MYBPC2: variants seen among roughly 807,000 people sequenced by gnomAD.
The protein encoded by MYBPC2 is myosin-binding protein C, fast-type.
In MYBPC2, 122 loss-of-function variants were observed where a neutral mutation model predicts 137.0. The ratio of observed to expected loss-of-function variants is 0.89; its 90% confidence interval spans 0.77 to 1.03. MYBPC2 has a LOEUF of 1.03. Among genes scored for constraint, MYBPC2 ranks in the 50% least tolerant of loss-of-function variants. MYBPC2 has a pLI of 0.00. For missense variants in MYBPC2, 1,500 were observed against 1,534.4 expected, an observed-to-expected ratio of 0.98 and a Z score of 0.37; for synonymous variants, 626 against 612.3, an observed-to-expected ratio of 1.02 and a Z score of -0.33.
chr19:50,443,385 G>T, intron 9 of MYBPC2, 109 bp from the exon 10 acceptor site: 1 of 1,332,734 alleles, frequency 7.5e-7, no homozygotes. Context: ...CACACAATTT[G>T]GCTCTGAGAG....
intron 16 of MYBPC2, 38 bp downstream of exon 16, chr19:50,452,041 C>T (rs1163206069): frequency 1.4e-5 from 21 of 1,538,396 alleles, no homozygotes; most frequent in Middle Eastern, 3.3e-4. Flanking sequence ...ACTCCCTTTC[C>T]GTTTAGGCAA....
chr19:50,435,879 G>T lies in MYBPC2; in HGVS notation c.196+17G>T. ...TGGAGACTGGTGAGGGGAACCCGGG[G>T]GAGGAGGGGCTGCGGCCCGGACTCC... On this transcript the variant is annotated intron_variant, in intron 3 of 27. Transcript: ENST00000357701. The surrounding 1 kb of genome is among the most constrained non-coding windows in gnomAD (Gnocchi z 4.8). The T allele has an allele frequency of 6.4e-7, 1 of 1,573,298 alleles. No individual in the cohort carries two copies. Among genetic ancestry groups the T allele is most frequent in the East Asian group, 2.3e-5 (1 of 42,790 alleles).
chr19:50,463,811 C>T (rs1438533251), intron 26 of MYBPC2, among the ~76,000 whole-genome samples: 1 of 151,954 alleles, frequency 6.6e-6, no homozygotes, highest in Non-Finnish European at 1.5e-5. Context: ...TGGTGGCAGG[C>T]GCCTCTAATC....
intron 16 of MYBPC2, 124 bp downstream of exon 16, chr19:50,452,127 G>T: frequency 9.2e-7 from 1 of 1,090,276 alleles, no homozygotes; most frequent in Non-Finnish European, 1.3e-6. Context: ...GGGTTGTTTT[G>T]AAGATTAGAG....
Position 50,447,896 on chromosome 19 carries a change from C to T in MYBPC2, c.1307-329C>T, listed in dbSNP as rs537278969. On this transcript the variant is annotated intron_variant, in intron 12 of 27. Coordinates refer to ENST00000357701, the MANE Select transcript of MYBPC2 (RefSeq NM_004533.4). ...TAAATAAAATAAAATAAATAAAATCCCCAAAGTGCTGGGATTACAGGCGTG... is the reference window on the plus strand; with the variant it reads ...TAAATAAAATAAAATAAATAAAATCTCCAAAGTGCTGGGATTACAGGCGTG... Among the ~76,000 whole-genome samples, 35 of 152,146 alleles carry T rather than the reference C, an allele frequency of 2.3e-4. No homozygotes were observed. In the South Asian group the frequency reaches 6.9e-3, roughly 30 times the overall value.
chr19:50,447,875 T>A (rs1398474751), intron 12 of MYBPC2, among the ~76,000 whole-genome samples: 1 of 151,606 alleles, frequency 6.6e-6, no homozygotes, highest in African/African-American at 2.4e-5. Context: ...AATAAATAAA[T>A]AAAATAAAAT....
chr19:50,454,714 C>T (rs1367943368), intron 18 of MYBPC2, among the ~76,000 whole-genome samples: 1 of 152,082 alleles, frequency 6.6e-6, no homozygotes, highest in Non-Finnish European at 1.5e-5. Flanking sequence ...GTGTCAGCCA[C>T]GGCACCAGCC....
At chr19:50,443,105 A>G (rs1460275036) in intron 9 of MYBPC2, among the ~76,000 whole-genome samples, 1 of 152,088 alleles carries the variant, frequency 6.6e-6, no homozygotes, top group Non-Finnish European at 1.5e-5. Flanking sequence ...TAGCTTGGAC[A>G]ACATAGCGAG....
chr19:50,446,153 T>G, intron 12 of MYBPC2, 101 bp downstream of exon 12: 1 of 1,344,390 alleles, frequency 7.4e-7, no homozygotes, highest in Non-Finnish European at 1.0e-6. Flanking sequence ...TCCTGACTCC[T>G]CTCTTTCCCA....
At position 50,436,969 on chromosome 19, in the gene MYBPC2, G is replaced by C. The variant is rs376157394; in HGVS notation, c.463+235G>C. Among the ~76,000 whole-genome samples, 29 of 152,286 alleles carry C rather than the reference G, an allele frequency of 1.9e-4. 1 individual carries two copies. In the South Asian group the frequency reaches 6.0e-3, roughly 32 times the overall value. ...AGGGTCTTGGGATGCACATGCAAAGGCTTAGGAGGTGAGTTATGCACATTC... is the reference window on the plus strand; with the variant it reads ...AGGGTCTTGGGATGCACATGCAAAGCCTTAGGAGGTGAGTTATGCACATTC... On this transcript the variant is annotated intron_variant, in intron 5 of 27. Transcript: ENST00000357701.
At chr19:50,445,631 G>C (rs1307604506) in intron 11 of MYBPC2, among the ~76,000 whole-genome samples, 1 of 152,072 alleles carries the variant, frequency 6.6e-6, no homozygotes, top group Non-Finnish European at 1.5e-5. Flanking sequence ...GACCTCAGGT[G>C]ATCCACACAC....
intron 1 of MYBPC2, among the ~76,000 whole-genome samples, chr19:50,434,241 C>A (rs571062331): frequency 6.6e-6 from 1 of 152,160 alleles, no homozygotes; most frequent in Non-Finnish European, 1.5e-5. Flanking sequence ...CCTGTAGTCC[C>A]AGCTACTCAG....
rs1026078964 is a variant in MYBPC2, at chr19:50,448,285, C to T, written c.1367C>T (p.Ala456Val). The change falls in exon 13 of 28, where the codon GCT (alanine) becomes GTT (valine). Residue 456 changes from alanine to valine, a missense_variant. Transcript: ENST00000357701. Reference protein sequence around the residue: ...ADLTVKASEQAVFKCEVSDEK... With the variant: ...ADLTVKASEQVVFKCEVSDEK... ...CTGACGGTGAAGGCCTCAGAACAAGCTGTGTTCAAGTGCGAGGTGTCTGAT... is the reference window on the plus strand; with the variant it reads ...CTGACGGTGAAGGCCTCAGAACAAGTTGTGTTCAAGTGCGAGGTGTCTGAT... 9 of 1,613,754 alleles carry T rather than the reference C, an allele frequency of 5.6e-6. No individual in the cohort carries two copies. The Admixed American group carries it at 1.3e-4, about 24-fold the overall frequency.
rs538884821 is a variant in MYBPC2 at position 50,439,596 on chromosome 19, G to A, written c.573-1284G>A. ...CATCAACCATCTTCTGAGGCCTCCC[G>A]TCTACTAGGTCCTGGGCTGAGATCC... On this transcript the variant is annotated intron_variant, in intron 7 of 27. Coordinates refer to ENST00000357701, the MANE Select transcript of MYBPC2 (RefSeq NM_004533.4). 1.7e-3 allele frequency among the ~76,000 whole-genome samples: 235 copies of A among 139,036 alleles called. 3 individuals are homozygous for A. The highest frequency in any genetic ancestry group is 5.9e-3 in the African/African-American group (222 of 37,576). The allele number at this position is 139,036 out of a possible 152,430, so 91.2% of individuals were successfully genotyped here. A position where few individuals can be genotyped will look rare whatever the true frequency, so the allele number is the denominator to read the frequency against.
chr19:50,437,871 C>A (rs2039718429), intron 7 of MYBPC2, among the ~76,000 whole-genome samples, 153 bp downstream of exon 7: 1 of 152,106 alleles, frequency 6.6e-6, no homozygotes, highest in Non-Finnish European at 1.5e-5. Context: ...GCATCTAACA[C>A]ACCAACCCAT....
chr19:50,446,222 T>C (rs1431576254), intron 12 of MYBPC2, among the ~76,000 whole-genome samples, 170 bp downstream of exon 12: 2 of 152,136 alleles, frequency 1.3e-5, no homozygotes, highest in African/African-American at 2.4e-5. Context: ...AAGTAAATTT[T>C]GGATCCAGCC....
In MYBPC2 at chr19:50,440,941, C is replaced by T. The variant is rs143152934; in HGVS notation, c.634C>T (p.Pro212Ser). 6.2e-7 allele frequency: 1 copy of T among 1,613,812 alleles called. No individual in the cohort carries two copies. The highest frequency in any genetic ancestry group is 1.3e-5 in the African/African-American group (1 of 75,016). Residue 212 changes from proline to serine, a missense_variant, in exon 8 of 28, where the codon CCG (proline) becomes TCG (serine). By Grantham distance (74) the Pro-to-Ser change is moderately conservative (BLOSUM62 -1). Coordinates refer to ENST00000357701, the MANE Select transcript of MYBPC2 (RefSeq NM_004533.4). ...AGATGACGATGACCTAGGCATCCCC[C>T]CGGAGATTTGGGAGCTCCTGAAAGG... ...KKDDDDLGIP[P>S]EIWELLKGAK...
chr19:50,437,352 G>A (rs2039713100), intron 5 of MYBPC2, 121 bp from the exon 6 acceptor site: 4 of 1,117,132 alleles, frequency 3.6e-6, no homozygotes, highest in Non-Finnish European at 5.2e-6. Flanking sequence ...AGGTTGTGCT[G>A]GTCCAAGAGA....
intron 16 of MYBPC2, among the ~76,000 whole-genome samples, chr19:50,452,466 G>GTGTA (rs746899570): frequency 0.022 from 3,294 of 147,094 alleles, 47 homozygotes; most frequent in East Asian, 0.039. Context: ...CTATGTATCT[G>GTGTA]TGTATGTATG....
Sources: allele counts gnomAD v4.1 joint callset (sites outside exome capture counted in the v4.1 genomes callset), GRCh38; gene constraint gnomAD v4.1.1; non-coding constraint Gnocchi (gnomAD v3.1); transcripts MANE v1.5; gene names NCBI Gene and HGNC (gene_info 2026-07-23, HGNC 2026-07-21).